CCNY: variants seen among roughly 807,000 people sequenced by gnomAD.
CCNY encodes the protein cyclin Y, also known as cyclin-Y.
In CCNY, 19 loss-of-function variants were observed where a neutral mutation model predicts 42.8. The observed-to-expected ratio is 0.44, with a 90% CI of 0.31 to 0.65. The LOEUF (loss-of-function observed/expected upper bound fraction) is 0.65, where lower values mean the gene tolerates loss of function less well. Among genes scored for constraint, CCNY ranks in the 30% least tolerant of loss-of-function variants. The pLI is 0.07. For synonymous variants in CCNY, 165 were observed against 162.7 expected, an observed-to-expected ratio of 1.01 and a Z score of -0.11; for missense variants, 370 against 437.3, an observed-to-expected ratio of 0.85 and a Z score of 1.37.
chr10:35,483,316 T>C, intron 1 of CCNY, 88 bp from the exon 2 acceptor site: 1 of 871,954 alleles, frequency 1.1e-6, no homozygotes, highest in East Asian at 2.6e-5. Context: ...GTATTAGCAA[T>C]TTAAAGTTGA....
intron 1 of CCNY, among the ~76,000 whole-genome samples, chr10:35,374,048 A>G (rs181929196): frequency 2.6e-5 from 4 of 152,208 alleles, no homozygotes; most frequent in East Asian, 1.9e-4. Context: ...TAAGGTGTTC[A>G]TAACATTTAT....
At chr10:35,554,042 A>G (rs762246034) in intron 8 of CCNY, among the ~76,000 whole-genome samples, 4 of 152,140 alleles carry the variant, frequency 2.6e-5, no homozygotes, top group Admixed American at 6.5e-5. Context: ...TTGTTTGGCA[A>G]ACCTCCTCAA....
chr10:35,518,243 C>G (rs1840469682), intron 4 of CCNY, among the ~76,000 whole-genome samples: 1 of 152,216 alleles, frequency 6.6e-6, no homozygotes, highest in African/African-American at 2.4e-5. Context: ...GCACAAACAC[C>G]TAAGTTAGAA....
At chr10:35,298,920 G>A (rs1722676954) in intron 3 of CCNY, among the ~76,000 whole-genome samples, 1 of 152,064 alleles carries the variant, frequency 6.6e-6, no homozygotes, top group African/African-American at 2.4e-5. Flanking sequence ...TTATAAAGAT[G>A]ATTAAAATCA....
chr10:35,414,389 C>T (rs1304857973), intron 1 of CCNY, among the ~76,000 whole-genome samples: 1 of 152,230 alleles, frequency 6.6e-6, no homozygotes, highest in South Asian at 2.1e-4. Flanking sequence ...GGCTGCCCCA[C>T]GTTCCGTGTC....
intron 1 of CCNY, among the ~76,000 whole-genome samples, chr10:35,446,850 C>T (rs953230379): frequency 6.6e-6 from 1 of 152,204 alleles, no homozygotes; most frequent in Admixed American, 6.5e-5. Flanking sequence ...CTCTTCATTC[C>T]TGACAGTTTC....
intron 3 of CCNY, among the ~76,000 whole-genome samples, chr10:35,309,930 A>G (rs1210312098): frequency 1.3e-5 from 2 of 152,030 alleles, no homozygotes; most frequent in African/African-American, 4.8e-5. Context: ...CCTTCCGAGT[A>G]GCTGGGACTG....
chr10:35,313,855 A>G (rs573927028), intron 3 of CCNY, among the ~76,000 whole-genome samples: 3 of 152,034 alleles, frequency 2.0e-5, no homozygotes, highest in African/African-American at 7.2e-5. Flanking sequence ...GCATTCCTGC[A>G]GTCTCAGCTA....
At chr10:35,526,566 A>G (rs1840656723) in intron 5 of CCNY, among the ~76,000 whole-genome samples, 1 of 152,230 alleles carries the variant, frequency 6.6e-6, no homozygotes, top group Non-Finnish European at 1.5e-5. Context: ...CAGTTTTTAA[A>G]AATGCAACTT....
intron 5 of CCNY, among the ~76,000 whole-genome samples, chr10:35,528,132 G>A (rs1380929166): frequency 2.0e-5 from 3 of 152,130 alleles, no homozygotes; most frequent in Non-Finnish European, 4.4e-5. Flanking sequence ...GGGGTCCTGG[G>A]CCAGGTTCTG....
chr10:35,481,918 C>A (rs1046901584), intron 1 of CCNY, among the ~76,000 whole-genome samples: 2 of 152,202 alleles, frequency 1.3e-5, no homozygotes, highest in African/African-American at 4.8e-5. Flanking sequence ...CTCTTCCACC[C>A]ATCTTTCTCC....
chr10:35,567,774 G>A (rs1235257532), intron 9 of CCNY, among the ~76,000 whole-genome samples: 3 of 152,194 alleles, frequency 2.0e-5, no homozygotes, highest in Non-Finnish European at 4.4e-5. Context: ...TGGATGCATA[G>A]CACTGGTTAG....
Position 35,571,825 on chromosome 10 carries a change from A to G in CCNY, c.*2655A>G, listed in dbSNP as rs1240658213. 1 of 152,368 alleles carries G rather than the reference A, an allele frequency of 6.6e-6. No homozygotes were observed. Among genetic ancestry groups the G allele is most frequent in the African/African-American group, 2.4e-5 (1 of 41,454 alleles). The allele number at this position is 152,368 out of a possible 1,614,324, so 9.4% of individuals were successfully genotyped here. On this transcript the variant is annotated 3_prime_UTR_variant, in exon 10 of 10. Coordinates refer to ENST00000374704, the MANE Select transcript of CCNY (RefSeq NM_145012.6). ...TTGTCTTAGTGTAGTTTTTGAATGG[A>G]AAGTTTTTGTCATTAAGGATGAAGG...
At chr10:35,461,283 GAA>G (rs1286633723) in intron 1 of CCNY, among the ~76,000 whole-genome samples, 1 of 152,178 alleles carries the variant, frequency 6.6e-6, no homozygotes, top group East Asian at 1.9e-4. Context: ...TGTGATGGGG[GAA>G]AGAGATTAGG....
chr10:35,509,375 A>G (rs1283648211), intron 3 of CCNY, among the ~76,000 whole-genome samples: 1 of 152,118 alleles, frequency 6.6e-6, no homozygotes, highest in Non-Finnish European at 1.5e-5. Flanking sequence ...TTCCCGGTTC[A>G]AGTGATTCTC....
At chr10:35,334,903 A>G (rs1422080544), upstream of CCNY, among the ~76,000 whole-genome samples, 3 of 152,210 alleles carry the variant, frequency 2.0e-5, no homozygotes, top group African/African-American at 7.2e-5. Context: ...CTTACCTTTT[A>G]GTAACTGGAT....
At chr10:35,316,563 G>A (rs1261013818) in intron 3 of CCNY, among the ~76,000 whole-genome samples, 2 of 152,140 alleles carry the variant, frequency 1.3e-5, no homozygotes, top group African/African-American at 4.8e-5. Flanking sequence ...CCAAAATTGG[G>A]TGTAATCTCT....
Position 35,308,117 on chromosome 10 carries a change from G to A in CCNY, c.-9+57491G>A, listed in dbSNP as rs561411911. 2.5e-4 allele frequency among the ~76,000 whole-genome samples: 38 copies of A among 150,630 alleles called. No individual in the cohort carries two copies. In the South Asian group the frequency reaches 7.1e-3, roughly 28 times the overall value. On this transcript the variant is annotated intron_variant, in intron 3 of 11. Transcript: ENST00000374706. ...CAGGCATAAGCCACCGTGCCCGGCC[G>A]AGGTAGTAATAATTTTATGGATAAA... is the stretch of plus-strand genomic sequence containing the variant.
intron 1 of CCNY, among the ~76,000 whole-genome samples, chr10:35,389,043 A>C (rs1837354603): frequency 6.6e-6 from 1 of 152,204 alleles, no homozygotes; most frequent in Non-Finnish European, 1.5e-5. Context: ...GTGGATTAAC[A>C]ACTTTAATTC....
Sources: gnomAD v4.1 joint callset for allele counts (sites outside exome capture counted in the v4.1 genomes callset) on GRCh38, gnomAD v4.1.1 for gene constraint, MANE v1.5 for transcripts, NCBI Gene and HGNC (gene_info 2026-07-23, HGNC 2026-07-21) for gene names.